Variants in CREB5 observed in about 807,000 individuals in gnomAD.
CREB5 encodes cAMP responsive element binding protein 5.
Under a neutral mutation model 57.1 loss-of-function variants are expected in CREB5, and 19 were observed. That is an observed-to-expected ratio of 0.33 (90% CI 0.23 to 0.49). CREB5 has a LOEUF of 0.49. CREB5 is among the 20% of genes least tolerant of loss of function. CREB5 has a pLI of 0.99. For missense variants in CREB5, 579 were observed against 671.6 expected, an observed-to-expected ratio of 0.86 and a Z score of 1.52; for synonymous variants, 238 against 238.3, an observed-to-expected ratio of 1.00 and a Z score of 0.01.
chr7:28,732,696 C>A (rs1183951562), intron 7 of CREB5, among the ~76,000 whole-genome samples: 2 of 144,630 alleles, frequency 1.4e-5, no homozygotes, highest in African/African-American at 2.5e-5. Context: ...TTGCTTTGCA[C>A]TTTGGGATGA....
At chr7:28,717,250 C>T (rs10951202) in intron 5 of CREB5, among the ~76,000 whole-genome samples, 4 of 151,540 alleles carry the variant, frequency 2.6e-5, no homozygotes, top group Admixed American at 2.0e-4. Context: ...ATAGAGACAG[C>T]GTTTCACCGT....
chr7:28,690,880 G>A (rs1245335141), intron 5 of CREB5, among the ~76,000 whole-genome samples: 4 of 152,056 alleles, frequency 2.6e-5, no homozygotes, highest in African/African-American at 7.3e-5. Context: ...AATCAAGCAG[G>A]TTTGAGATCA....
intron 1 of CREB5, among the ~76,000 whole-genome samples, chr7:28,486,317 G>A (rs1426059957): frequency 6.6e-6 from 1 of 152,016 alleles, no homozygotes; most frequent in Non-Finnish European, 1.5e-5. Flanking sequence ...GTGGGGGAAA[G>A]CTGTGACAAT....
At chr7:28,743,311 T>C (rs531109982) in intron 7 of CREB5, among the ~76,000 whole-genome samples, 6 of 152,196 alleles carry the variant, frequency 3.9e-5, no homozygotes, top group Admixed American at 1.3e-4. Flanking sequence ...GATAGAAGGA[T>C]TGTTTGAGGC....
At chr7:28,578,934 C>T (rs1317432253) in intron 5 of CREB5, among the ~76,000 whole-genome samples, 2 of 152,140 alleles carry the variant, frequency 1.3e-5, no homozygotes, top group African/African-American at 4.8e-5. Context: ...CCAATTTGAT[C>T]TCAAATTTTG....
intron 7 of CREB5, among the ~76,000 whole-genome samples, chr7:28,741,307 G>A (rs767652490): frequency 1.9e-4 from 29 of 152,118 alleles, no homozygotes; most frequent in Non-Finnish European, 2.9e-4. Flanking sequence ...ATTCCATAAC[G>A]TATCTGAAAG....
At chr7:28,800,423 G>A (rs911679308) in intron 7 of CREB5, among the ~76,000 whole-genome samples, 3 of 152,208 alleles carry the variant, frequency 2.0e-5, no homozygotes, top group Admixed American at 6.5e-5. Context: ...GCAGGCCTAC[G>A]CCCTGCAGGG....
intron 4 of CREB5, among the ~76,000 whole-genome samples, chr7:28,517,978 C>T (rs547094241): frequency 3.3e-5 from 5 of 152,168 alleles, no homozygotes; most frequent in African/African-American, 4.8e-5. Context: ...TGTAAGACAA[C>T]ATTCGAGCTA....
chr7:28,509,030 A>ATTCTC (rs920399778), intron 4 of CREB5, among the ~76,000 whole-genome samples: 15 of 152,212 alleles, frequency 9.9e-5, no homozygotes, highest in Non-Finnish European at 2.1e-4. Flanking sequence ...AGAGGAAGAA[A>ATTCTC]TTCTCATCAT....
intron 7 of CREB5, among the ~76,000 whole-genome samples, chr7:28,764,748 T>C (rs757900040): frequency 5.9e-5 from 9 of 152,238 alleles, no homozygotes; most frequent in Non-Finnish European, 1.3e-4. Flanking sequence ...TATGTTTTCA[T>C]AGGTAATTGA....
intron 1 of CREB5, among the ~76,000 whole-genome samples, chr7:28,431,606 G>A (rs1353729553): frequency 1.3e-5 from 2 of 152,164 alleles, no homozygotes; most frequent in South Asian, 4.1e-4. Context: ...TCTTTCCTAA[G>A]CAAGAGTAGC....
At chr7:28,693,670 G>A (rs1031071590) in intron 5 of CREB5, among the ~76,000 whole-genome samples, 1 of 152,210 alleles carries the variant, frequency 6.6e-6, no homozygotes, top group African/African-American at 2.4e-5. Flanking sequence ...CTCTGGCTTT[G>A]CCATTTGCTA....
intron 4 of CREB5, among the ~76,000 whole-genome samples, chr7:28,528,704 C>CAAAAA (rs778154325): frequency 3.1e-4 from 18 of 58,342 alleles, no homozygotes; most frequent in Admixed American, 4.8e-4. Flanking sequence ...AACTCCATCT[C>CAAAAA]AAAAAAAAAA....
At chr7:28,435,692 A>G in intron 1 of CREB5, 1 of 984,280 alleles carries the variant, frequency 1.0e-6, no homozygotes, top group Non-Finnish European at 1.2e-6. Context: ...TTTCAGGGTA[A>G]GTGGTGGGGT....
intron 1 of CREB5, among the ~76,000 whole-genome samples, chr7:28,345,355 A>G (rs1786035648): frequency 6.6e-6 from 1 of 152,134 alleles, no homozygotes; most frequent in African/African-American, 2.4e-5. Flanking sequence ...AAAAATCAAA[A>G]TCATGACAAG....
intron 1 of CREB5, among the ~76,000 whole-genome samples, chr7:28,382,817 A>G (rs1786992203): frequency 6.6e-6 from 1 of 151,974 alleles, no homozygotes; most frequent in Non-Finnish European, 1.5e-5. Context: ...CAGAGGAGAT[A>G]CGAGATCAAG....
intron 1 of CREB5, among the ~76,000 whole-genome samples, chr7:28,453,656 C>T (rs1402106570): frequency 1.3e-5 from 2 of 152,156 alleles, no homozygotes; most frequent in African/African-American, 2.4e-5. Flanking sequence ...CCATAACACC[C>T]CTCCAATCAT....
chr7:28,630,503 C>T (rs1051280432), intron 5 of CREB5, among the ~76,000 whole-genome samples: 2 of 152,178 alleles, frequency 1.3e-5, no homozygotes, highest in Admixed American at 6.5e-5. Context: ...CTGAAAAAAA[C>T]ATATGTTTTT....
chr7:28,313,558 GA>G (rs1365259843), intron 1 of CREB5, among the ~76,000 whole-genome samples: 1 of 152,206 alleles, frequency 6.6e-6, no homozygotes, highest in Non-Finnish European at 1.5e-5. Context: ...CTATTCCTGG[GA>G]AAACAACTTC....
Sources: allele counts gnomAD v4.1 joint callset (sites outside exome capture counted in the v4.1 genomes callset), GRCh38; gene constraint gnomAD v4.1.1; transcripts MANE v1.5; gene names NCBI Gene and HGNC (gene_info 2026-07-23, HGNC 2026-07-21).